SMARCAD1: variants seen among roughly 807,000 people sequenced by gnomAD.
SMARCAD1 encodes the protein SWI/SNF-related matrix-associated actin-dependent regulator of chromatin subfamily A containing DEAD/H box 1.
In SMARCAD1, 25 loss-of-function variants were observed where a neutral mutation model predicts 127.1. The observed-to-expected ratio is 0.20, with a 90% CI of 0.14 to 0.27. SMARCAD1 has a LOEUF of 0.27. Among genes scored for constraint, SMARCAD1 ranks in the 10% least tolerant of loss-of-function variants. SMARCAD1 has a pLI of 1.00. For synonymous variants in SMARCAD1, 400 were observed against 396.9 expected, an observed-to-expected ratio of 1.01 and a Z score of -0.09; for missense variants, 807 against 1,206.0, an observed-to-expected ratio of 0.67 and a Z score of 4.90.
At position 94,278,938 on chromosome 4, in the gene SMARCAD1, C is replaced by T. The variant is rs1369196933; in HGVS notation, c.2306C>T (p.Thr769Ile). 1.2e-6 allele frequency: 2 copies of T among 1,613,736 alleles called. No individual in the cohort carries two copies. Among genetic ancestry groups the T allele is most frequent in the African/African-American group, 2.7e-5 (2 of 74,884 alleles). The change falls in exon 19 of 24, where the codon ACA becomes ATA. Residue 769 changes from threonine (T) to isoleucine (I), a missense_variant. Coordinates refer to ENST00000354268, the MANE Select transcript of SMARCAD1 (RefSeq NM_020159.5). ...KKSINNLEKN[T>I]EMCNVMMQLR... is the part of the protein sequence containing the mutation. ...TCTCTTTGAGTCACAGAAAAAAACA[C>T]AGAAATGTGCAATGTCATGATGCAG...
At chr4:94,275,060 G>A in intron 14 of SMARCAD1, 95 bp downstream of exon 14, 2 of 888,682 alleles carry the variant, frequency 2.3e-6, no homozygotes, top group Non-Finnish European at 3.8e-6. Flanking sequence ...AGTTTATGCT[G>A]TTAACTGTGA....
chr4:94,286,030 A>C (rs1754885711), intron 23 of SMARCAD1, among the ~76,000 whole-genome samples: 1 of 152,210 alleles, frequency 6.6e-6, no homozygotes, highest in East Asian at 1.9e-4. Context: ...ATCCAAATAT[A>C]TGGATTTTAT....
At chr4:94,254,928 C>T (rs187123453) in intron 9 of SMARCAD1, among the ~76,000 whole-genome samples, 1 of 152,076 alleles carries the variant, frequency 6.6e-6, no homozygotes, top group Non-Finnish European at 1.5e-5. Context: ...AAACCCTACC[C>T]TAGAGCAGAT....
chr4:94,247,036 T>C (rs1355268527), intron 6 of SMARCAD1, among the ~76,000 whole-genome samples: 1 of 152,206 alleles, frequency 6.6e-6, no homozygotes, highest in African/African-American at 2.4e-5. Context: ...CTACTTTTTG[T>C]ATAGGTCAAG....
At chr4:94,264,541 G>T in intron 9 of SMARCAD1, 166 bp from the exon 10 acceptor site, 1 of 569,358 alleles carries the variant, frequency 1.8e-6, no homozygotes, top group Non-Finnish European at 3.1e-6. Context: ...GAAACATGTA[G>T]CAACTCAAAT....
chr4:94,279,541 G>C (rs550023371), intron 19 of SMARCAD1, among the ~76,000 whole-genome samples: 1 of 152,152 alleles, frequency 6.6e-6, no homozygotes, highest in African/African-American at 2.4e-5. Context: ...ATGGCCTTAC[G>C]GCAGTGACTA....
intron 10 of SMARCAD1, among the ~76,000 whole-genome samples, chr4:94,268,638 A>G (rs972257182): frequency 6.6e-6 from 1 of 152,168 alleles, no homozygotes; most frequent in Non-Finnish European, 1.5e-5. Flanking sequence ...TGAGCTCTGG[A>G]TCACACCTGG....
At position 94,265,750 on chromosome 4, in the gene SMARCAD1, A is replaced by T. The variant is rs527855348; in HGVS notation, c.1481+844A>T. 4.2e-4 allele frequency among the ~76,000 whole-genome samples: 64 copies of T among 152,108 alleles called. 1 individual carries two copies. The highest frequency in any genetic ancestry group is 1.5e-3 in the African/African-American group (63 of 41,536). On this transcript the variant is annotated intron_variant, in intron 10 of 23. Coordinates refer to ENST00000354268, the MANE Select transcript of SMARCAD1 (RefSeq NM_020159.5). ...TTTATAGTGGCAAAACCATGGAAAC[A>T]AATGGAGTTCCTAAAATTAGGGAAT...
Position 94,289,615 on chromosome 4 carries a change from G to T in SMARCAD1, c.*81G>T. 1 of 1,194,492 alleles carries T rather than the reference G, an allele frequency of 8.4e-7. No homozygotes were observed. Among genetic ancestry groups the T allele is most frequent in the Non-Finnish European group, 1.3e-6 (1 of 798,242 alleles). 74.0% of individuals were successfully genotyped at this position (1,194,492 alleles called of 1,614,324 possible). A position where few individuals can be genotyped will look rare whatever the true frequency, so the allele number is the denominator to read the frequency against. ...GACATTTACATTATGATGACCATGG[G>T]GTTTATGAACATTTATAACTTTTTA... On this transcript the variant is annotated 3_prime_UTR_variant, in exon 24 of 24. Coordinates refer to ENST00000354268, the MANE Select transcript of SMARCAD1 (RefSeq NM_020159.5).
chr4:94,217,257 A>G lies in SMARCAD1; in HGVS notation c.190+8673A>G, dbSNP rs189980171. 9.8e-5 allele frequency among the ~76,000 whole-genome samples: 15 copies of G among 152,316 alleles called. No individual in the cohort carries two copies. The East Asian group carries it at 2.9e-3, about 29-fold the overall frequency. ...CTCCTTTGTTCATTATTCACCAGTTACTAGTCAGTTTTTCATTTATTGAAA... is the reference window on the plus strand; with the variant it reads ...CTCCTTTGTTCATTATTCACCAGTTGCTAGTCAGTTTTTCATTTATTGAAA... On this transcript the variant is annotated intron_variant, in intron 2 of 23. Coordinates refer to ENST00000354268, the MANE Select transcript of SMARCAD1 (RefSeq NM_020159.5).
At chr4:94,260,892 TAAAA>T (rs1750875725) in intron 9 of SMARCAD1, among the ~76,000 whole-genome samples, 1 of 152,172 alleles carries the variant, frequency 6.6e-6, no homozygotes, top group African/African-American at 2.4e-5. Context: ...TTTTAATAAA[TAAAA>T]AGACATCAAA....
At chr4:94,242,757 A>AT (rs1747789505) in intron 6 of SMARCAD1, among the ~76,000 whole-genome samples, 1 of 150,942 alleles carries the variant, frequency 6.6e-6, no homozygotes, top group Non-Finnish European at 1.5e-5. Flanking sequence ...AAAAAAAAAA[A>AT]ATTTTTTTAA....
intron 2 of SMARCAD1, among the ~76,000 whole-genome samples, chr4:94,218,697 G>T (rs572504646): frequency 6.6e-6 from 1 of 152,214 alleles, no homozygotes; most frequent in East Asian, 1.9e-4. Flanking sequence ...TGTATTGTTT[G>T]TCTTTTCTAG....
chr4:94,244,883 C>T (rs1430959196), intron 6 of SMARCAD1, among the ~76,000 whole-genome samples: 1 of 152,044 alleles, frequency 6.6e-6, no homozygotes, highest in South Asian at 2.1e-4. Context: ...GATAACAGCC[C>T]CTTTTTAAGT....
intron 3 of SMARCAD1, 120 bp from the exon 4 acceptor site, chr4:94,233,834 T>A (rs1579099867): frequency 9.3e-7 from 1 of 1,071,942 alleles, no homozygotes; most frequent in African/African-American, 1.6e-5. Context: ...AAGTATAGAT[T>A]GCATTTACTA....
intron 6 of SMARCAD1, among the ~76,000 whole-genome samples, chr4:94,247,161 T>C (rs1314463828): frequency 6.6e-6 from 1 of 152,204 alleles, no homozygotes; most frequent in Non-Finnish European, 1.5e-5. Context: ...TTGGATTTGG[T>C]GTTTCCTATA....
chr4:94,271,615 C>T (rs1391783689), intron 11 of SMARCAD1, among the ~76,000 whole-genome samples: 1 of 152,174 alleles, frequency 6.6e-6, no homozygotes, highest in Non-Finnish European at 1.5e-5. Context: ...ATATATATTT[C>T]ATACTGTCAT....
intron 5 of SMARCAD1, among the ~76,000 whole-genome samples, chr4:94,240,644 A>G (rs1747432251): frequency 6.6e-6 from 1 of 152,172 alleles, no homozygotes; most frequent in Admixed American, 6.5e-5. Flanking sequence ...AGAATTACTC[A>G]TCAATTTAGA....
Position 94,252,847 on chromosome 4 carries a change from A to G in SMARCAD1, c.1121A>G (p.Tyr374Cys), listed in dbSNP as rs1464786798. ...GTCGGTAGTTCACTAGATGAGGACT[A>G]TAGTAGTGGTGAAGAAGTGATGGAG... ...SDVGSSLDED[Y>C]SSGEEVMEDG... Residue 374 changes from tyrosine (Y) to cysteine (C), a missense_variant, in exon 9 of 24, where the codon TAT becomes TGT. Coordinates refer to ENST00000354268, the MANE Select transcript of SMARCAD1 (RefSeq NM_020159.5). 5 of 1,613,990 alleles carry G rather than the reference A, an allele frequency of 3.1e-6. No individual in the cohort carries two copies. Among genetic ancestry groups the G allele is most frequent in the African/African-American group, 2.7e-5 (2 of 74,922 alleles).
Sources: gnomAD v4.1 joint callset for allele counts (sites outside exome capture counted in the v4.1 genomes callset) on GRCh38, gnomAD v4.1.1 for gene constraint, MANE v1.5 for transcripts, NCBI Gene and HGNC (gene_info 2026-07-23, HGNC 2026-07-21) for gene names.